The following LMNTD1 variants were observed in gnomAD, a reference collection of about 807,000 sequenced individuals.
LMNTD1 encodes the protein lamin tail domain containing 1, also known as lamin tail domain-containing protein 1.
LMNTD1 carries 35 observed loss-of-function variants against 50.9 expected under a neutral mutation model. The ratio of observed to expected loss-of-function variants is 0.69; its 90% CI spans 0.53 to 0.91. The LOEUF is 0.91. LMNTD1 is among the 40% of genes least tolerant of loss of function. LMNTD1 has a pLI of 0.00. For missense variants in LMNTD1, 470 were observed against 475.5 expected (o/e 0.99, Z 0.11); for synonymous variants, 153 against 161.9 (o/e 0.94, Z 0.42).
chr12:25,586,998 G>C (rs562439882), intron 1 of LMNTD1, among the ~76,000 whole-genome samples: 7 of 152,268 alleles, frequency 4.6e-5, no homozygotes, highest in Admixed American at 2.0e-4. Flanking sequence ...TGAACCACAT[G>C]TAGTTCACTT....
upstream of LMNTD1, among the ~76,000 whole-genome samples, chr12:25,557,592 C>T (rs1409373961): frequency 6.6e-6 from 1 of 152,108 alleles, no homozygotes; most frequent in African/African-American, 2.4e-5. Context: ...GTCAGGACAC[C>T]TCAGACTTGT....
At chr12:25,536,967 G>A (rs1002505157) in intron 4 of LMNTD1, among the ~76,000 whole-genome samples, 1 of 152,268 alleles carries the variant, frequency 6.6e-6, no homozygotes, top group Non-Finnish European at 1.5e-5. Context: ...AGGGGTGACA[G>A]ACGGCACCTG....
rs1040431659 is a variant in LMNTD1 at position 25,576,123 on chromosome 12, C to T, written c.59-29569G>A. The stretch of plus-strand genomic sequence containing the variant: ...CATTTGGGTTGGTTCCAAGTCTTTG[C>T]TATTGTGAATAGTGCCGCAATAAAC... On this transcript the variant is annotated intron_variant, in intron 1 of 7. Transcript: ENST00000445693. 3.0e-4 allele frequency among the ~76,000 whole-genome samples: 46 copies of T among 152,160 alleles called. 3 individuals carry two copies.
At chr12:25,644,943 A>G (rs1947035149) in intron 1 of LMNTD1, among the ~76,000 whole-genome samples, 1 of 152,214 alleles carries the variant, frequency 6.6e-6, no homozygotes, top group Non-Finnish European at 1.5e-5. Context: ...ATGAAGTATG[A>G]GTCTAAGTCA....
chr12:25,553,350 C>A, upstream of LMNTD1: 3 of 921,964 alleles, frequency 3.3e-6, no homozygotes, highest in Non-Finnish European at 4.4e-6. Context: ...TAACCAAGTT[C>A]CAGTTTCTGA....
intron 9 of LMNTD1, among the ~76,000 whole-genome samples, chr12:25,503,428 T>C (rs1939499303): frequency 6.6e-6 from 1 of 152,182 alleles, no homozygotes. Flanking sequence ...AGAGTTGTTT[T>C]TTGAGTGTTT....
chr12:25,514,670 T>C (rs1940619525), intron 8 of LMNTD1, among the ~76,000 whole-genome samples: 1 of 152,110 alleles, frequency 6.6e-6, no homozygotes, highest in South Asian at 2.1e-4. Flanking sequence ...AGGGTGTAAT[T>C]GGATTGTTTG....
In LMNTD1 at chr12:25,611,094, G is replaced by T. The variant is rs1373662440; in HGVS notation, c.58+37400C>A. 2.0e-5 allele frequency among the ~76,000 whole-genome samples: 3 copies of T among 152,186 alleles called. No homozygotes were observed. The East Asian group carries it at 5.8e-4, about 29-fold the overall frequency. On this transcript the variant is annotated intron_variant, in intron 1 of 7. Transcript: ENST00000445693. ...AGAGAACCAGTATAAAGCAGGGCAG[G>T]ACGTCAAGGGAAGGACAAAGTTTTA...
At chr12:25,525,689 A>G (rs1280734060) in intron 6 of LMNTD1, among the ~76,000 whole-genome samples, 1 of 152,130 alleles carries the variant, frequency 6.6e-6, no homozygotes, top group Non-Finnish European at 1.5e-5. Flanking sequence ...CCAAGCTTTA[A>G]GGATAAAAAA....
rs1264371424 is a variant in LMNTD1, at chr12:25,503,735, T to TA, written c.*22+2dup. ...AAAGCAAATTTGCAATACAGTTACT[T>TA]ACCTTTAAAGGTTGAGTTGACTGCT... On this transcript the variant is annotated splice_region_variant and intron_variant, in intron 9 of 9. Coordinates refer to ENST00000458174, the MANE Select transcript of LMNTD1 (RefSeq NM_001145728.2). 6.6e-7 allele frequency: 1 copy of TA among 1,522,552 alleles called. No homozygotes were observed. Among genetic ancestry groups the TA allele is most frequent in the African/African-American group, 1.4e-5 (1 of 72,546 alleles). 94.3% of individuals were successfully genotyped at this position (1,522,552 alleles called of 1,614,324 possible). A position where few individuals can be genotyped will look rare whatever the true frequency, so the allele number is the denominator to read the frequency against.
chr12:25,635,654 C>T (rs113427718), intron 1 of LMNTD1, among the ~76,000 whole-genome samples: 3 of 152,054 alleles, frequency 2.0e-5, no homozygotes, highest in Admixed American at 6.5e-5. Context: ...TCATATGGAA[C>T]CAAAAAAGAG....
At chr12:25,600,675 T>C (rs1945947730) in intron 1 of LMNTD1, among the ~76,000 whole-genome samples, 1 of 151,912 alleles carries the variant, frequency 6.6e-6, no homozygotes, top group African/African-American at 2.4e-5. Flanking sequence ...GACATACAAA[T>C]GGCAAACAGG....
chr12:25,547,795 C>G (rs1049459104), intron 3 of LMNTD1, among the ~76,000 whole-genome samples: 2 of 151,792 alleles, frequency 1.3e-5, no homozygotes, highest in Non-Finnish European at 3.0e-5. Flanking sequence ...GACACATTAA[C>G]TTTGGTCCCA....
At chr12:25,567,245 A>C (rs1259193666) in intron 1 of LMNTD1, among the ~76,000 whole-genome samples, 1 of 152,128 alleles carries the variant, frequency 6.6e-6, no homozygotes, top group Non-Finnish European at 1.5e-5. Flanking sequence ...GACAACTTAG[A>C]CATCTTTATT....
chr12:25,591,445 G>T (rs570768954), intron 1 of LMNTD1, among the ~76,000 whole-genome samples: 3 of 152,144 alleles, frequency 2.0e-5, no homozygotes, highest in Admixed American at 2.0e-4. Flanking sequence ...TGGAAGAGGG[G>T]GAAGGACTGT....
intron 8 of LMNTD1, among the ~76,000 whole-genome samples, chr12:25,505,395 T>A (rs1192646375): frequency 6.6e-6 from 1 of 152,202 alleles, no homozygotes; most frequent in African/African-American, 2.4e-5. Flanking sequence ...CTGGTCATAA[T>A]GTTACCTAAT....
chr12:25,616,453 G>GAT (rs1227819296), intron 1 of LMNTD1, among the ~76,000 whole-genome samples: 1 of 152,158 alleles, frequency 6.6e-6, no homozygotes, highest in African/African-American at 2.4e-5. Flanking sequence ...CATACTGTAT[G>GAT]ATTACACTTA....
intron 1 of LMNTD1, among the ~76,000 whole-genome samples, chr12:25,595,758 C>G (rs1945830745): frequency 6.6e-6 from 1 of 151,502 alleles, no homozygotes; most frequent in Admixed American, 6.6e-5. Flanking sequence ...AGTGAAACAG[C>G]AACAGCAACA....
chr12:25,647,704 C>A (rs890857707), intron 1 of LMNTD1, among the ~76,000 whole-genome samples: 2 of 152,196 alleles, frequency 1.3e-5, no homozygotes, highest in African/African-American at 4.8e-5. Flanking sequence ...AATTCATCAT[C>A]TTCTGAGTTC....
Sources: gnomAD v4.1 joint callset for allele counts (sites outside exome capture counted in the v4.1 genomes callset) on GRCh38, gnomAD v4.1.1 for gene constraint, MANE v1.5 for transcripts, NCBI Gene and HGNC (gene_info 2026-07-23, HGNC 2026-07-21) for gene names.